MED28: variants seen among roughly 807,000 people sequenced by gnomAD.
MED28 encodes the protein mediator of RNA polymerase II transcription subunit 28.
MED28 carries 26 observed loss-of-function variants against 21.3 expected under a neutral mutation model. The observed-to-expected ratio is 1.22, with a 90% CI of 0.89 to 1.69. The LOEUF is 1.69. Among genes scored for constraint, MED28 ranks in the 40% most tolerant of loss-of-function variants. The pLI is 0.00. For missense variants in MED28, 257 were observed against 215.4 expected (o/e 1.19, Z -1.21); for synonymous variants, 110 against 87.6 (o/e 1.26, Z -1.43).
At chr4:17,619,136 A>G (rs140890402) in intron 1 of MED28, among the ~76,000 whole-genome samples, 2,477 of 152,262 alleles carry the variant, frequency 0.016, 79 homozygotes, top group African/African-American at 0.057. Flanking sequence ...CACTTCCTGC[A>G]GTGGGCCTGC....
rs1374025685 is a variant in MED28, at chr4:17,629,237, A to G, written c.*5439A>G. On this transcript the variant is annotated 3_prime_UTR_variant, in exon 4 of 4. Transcript: ENST00000237380. ...GACAGAGCAAGACTCCGTCTCAAAAACAAACACACAGTACTGCATCCTGGG... is the reference window on the plus strand; with the variant it reads ...GACAGAGCAAGACTCCGTCTCAAAAGCAAACACACAGTACTGCATCCTGGG... 1 of 147,636 alleles carries G rather than the reference A, an allele frequency of 6.8e-6. No homozygotes were observed. Among genetic ancestry groups the G allele is most frequent in the Non-Finnish European group, 1.5e-5 (1 of 68,216 alleles). The allele number at this position is 147,636 out of a possible 1,614,324, so 9.1% of individuals were successfully genotyped here. A position where few individuals can be genotyped will look rare whatever the true frequency, so the allele number is the denominator to read the frequency against.
In MED28 at chr4:17,614,804, A is replaced by G. The variant is rs758098827; in HGVS notation, c.150A>G (p.Ser50=). The G allele has an allele frequency of 1.6e-5, 25 of 1,606,804 alleles. No homozygotes were observed. In the East Asian group the frequency reaches 2.2e-4, roughly 14 times the overall value. The part of the protein sequence containing the change: ...SSSTLVDELE[S]SFEACFASLV... ...GTACTTTGGTGGACGAGTTGGAGTC[A>G]TCTTTCGAGGTAATATAAGACATGG... is the stretch of plus-strand genomic sequence containing the variant. The change falls in exon 1 of 4, where the codon TCA becomes TCG. Residue 50 remains serine, a synonymous_variant. Transcript: ENST00000237380.
intron 2 of MED28, among the ~76,000 whole-genome samples, chr4:17,620,279 T>A (rs56325717): frequency 6.6e-6 from 1 of 152,174 alleles, no homozygotes; most frequent in Admixed American, 6.6e-5. Flanking sequence ...AAGTCTCTTG[T>A]GCTTCTTTTT....
rs569970403 is a variant in MED28, at chr4:17,623,916, GT to G, written c.*122del. The G allele has an allele frequency of 2.5e-4, 296 of 1,162,996 alleles. 5 individuals are homozygous for G. The South Asian group carries it at 3.6e-3, about 14-fold the overall frequency. The allele number at this position is 1,162,996 out of a possible 1,614,324, so 72.0% of individuals were successfully genotyped here. ...TTTGCCAGATAATGAGTTCATTTTA[GT>G]TTTATGCTCCCATTGAAAAATTTTC... On this transcript the variant is annotated 3_prime_UTR_variant, in exon 4 of 4. Transcript: ENST00000237380.
In MED28 at chr4:17,631,829, A is replaced by C. The variant is rs1332520826; in HGVS notation, c.*8031A>C. ...GGTTAGATGTGCATTTTGGAATTGC[A>C]TCATTTTACATAGAAACAGCTTTCC... On this transcript the variant is annotated 3_prime_UTR_variant, in exon 4 of 4. Coordinates refer to ENST00000237380, the MANE Select transcript of MED28 (RefSeq NM_025205.5). The C allele has an allele frequency of 6.6e-6, 1 of 152,138 alleles. No individual in the cohort carries two copies. Among genetic ancestry groups the C allele is most frequent in the Non-Finnish European group, 1.5e-5 (1 of 68,036 alleles). 9.4% of individuals were successfully genotyped at this position (152,138 alleles called of 1,614,324 possible). A position where few individuals can be genotyped will look rare whatever the true frequency, so the allele number is the denominator to read the frequency against.
chr4:17,615,999 C>T (rs147632454), intron 1 of MED28, among the ~76,000 whole-genome samples: 1,816 of 152,228 alleles, frequency 0.012, 37 homozygotes, highest in African/African-American at 0.042. Context: ...CTCACTCTCT[C>T]GCCCAGGCTG....
intron 1 of MED28, among the ~76,000 whole-genome samples, chr4:17,618,510 A>G (rs900227743): frequency 1.3e-5 from 2 of 151,604 alleles, no homozygotes; most frequent in African/African-American, 2.4e-5. Context: ...CCCAAACCCA[A>G]CAAGAGTCAA....
intron 1 of MED28, among the ~76,000 whole-genome samples, chr4:17,619,365 AAGAC>A (rs1348590402): frequency 6.6e-6 from 1 of 152,244 alleles, no homozygotes; most frequent in Non-Finnish European, 1.5e-5. Context: ...AGTGGTGAAT[AAGAC>A]AGACAAAATT....
rs956904252 is a variant in MED28 at position 17,623,123 on chromosome 4, G to A, written c.340-478G>A. On this transcript the variant is annotated intron_variant, in intron 3 of 3. Coordinates refer to ENST00000237380, the MANE Select transcript of MED28 (RefSeq NM_025205.5). ...TCTATAAGAAAAATAAACGTAGGCC[G>A]GGTGTGGTGGCTCACGCCTGTAATC... is the stretch of plus-strand genomic sequence containing the variant. 2.6e-5 allele frequency among the ~76,000 whole-genome samples: 4 copies of A among 152,164 alleles called. No homozygotes were observed. The South Asian group carries it at 6.2e-4, about 24-fold the overall frequency.
In MED28 at chr4:17,614,734, C is replaced by T. The variant is rs373599650; in HGVS notation, c.80C>T (p.Ala27Val). The T allele has an allele frequency of 1.2e-6, 2 of 1,614,270 alleles. No homozygotes were observed. The highest frequency in any genetic ancestry group is 1.1e-5 in the South Asian group (1 of 91,090). Residue 27 changes from alanine to valine, a missense_variant, in exon 1 of 4, where the codon GCT (alanine) becomes GTT (valine). By Grantham distance (64) the Ala-to-Val change is moderately conservative. Coordinates refer to ENST00000237380, the MANE Select transcript of MED28 (RefSeq NM_025205.5). ...PQAPPGLPGQASLLQAAPGAP... is the reference protein window; with the variant it reads ...PQAPPGLPGQVSLLQAAPGAP... The stretch of plus-strand genomic sequence containing the variant: ...GCCCCGCCGGGCCTTCCGGGCCAAG[C>T]TTCGCTTCTTCAGGCAGCTCCAGGC...
chr4:17,622,082 A>G (rs16895322), intron 3 of MED28, among the ~76,000 whole-genome samples: 1,854 of 152,330 alleles, frequency 0.012, 38 homozygotes, highest in African/African-American at 0.043. Context: ...CAGGAATCCA[A>G]GGAATCAAAA....
Position 17,628,689 on chromosome 4 carries a change from G to A in MED28, c.*4891G>A, listed in dbSNP as rs184352794. 24 of 152,312 alleles carry A rather than the reference G, an allele frequency of 1.6e-4. No homozygotes were observed. Among genetic ancestry groups the A allele is most frequent in the African/African-American group, 5.3e-4 (22 of 41,552 alleles). The allele number at this position is 152,312 out of a possible 1,614,324, so 9.4% of individuals were successfully genotyped here. ...GGTGGAGGACCTGACTGAGACAATTGTGACTGGATGTGGTCTGAGAGCAGG... is the reference window on the plus strand; with the variant it reads ...GGTGGAGGACCTGACTGAGACAATTATGACTGGATGTGGTCTGAGAGCAGG... On this transcript the variant is annotated 3_prime_UTR_variant, in exon 4 of 4. Coordinates refer to ENST00000237380, the MANE Select transcript of MED28 (RefSeq NM_025205.5).
chr4:17,618,097 C>T (rs1714507560), intron 1 of MED28, among the ~76,000 whole-genome samples: 1 of 150,240 alleles, frequency 6.7e-6, no homozygotes, highest in Non-Finnish European at 1.5e-5. Context: ...CTGCAACCTC[C>T]ACTTCCTGGG....
chr4:17,614,913 T>A (rs1714402942), intron 1 of MED28, 100 bp downstream of exon 1: 1 of 1,369,152 alleles, frequency 7.3e-7, no homozygotes, highest in African/African-American at 1.4e-5. Flanking sequence ...AGCAACTAAT[T>A]CACAAATGGG....
intron 1 of MED28, among the ~76,000 whole-genome samples, chr4:17,618,879 T>A (rs967759498): frequency 1.3e-5 from 2 of 152,232 alleles, no homozygotes; most frequent in Non-Finnish European, 2.9e-5. Context: ...ATGGGCAATC[T>A]GTTTTTCTGA....
intron 1 of MED28, among the ~76,000 whole-genome samples, chr4:17,618,739 TCGTG>T (rs369063229): frequency 0.61 from 92,862 of 152,012 alleles, 28,895 homozygotes; most frequent in East Asian, 0.89. Context: ...GATGGTGACT[TCGTG>T]GATCTGCCTT....
intron 1 of MED28, among the ~76,000 whole-genome samples, chr4:17,619,200 A>G (rs954378775): frequency 7.2e-5 from 11 of 152,070 alleles, no homozygotes; most frequent in South Asian, 2.1e-4. Context: ...GCTGATTCAC[A>G]TTTGCATCTG....
chr4:17,634,024 G>T lies in MED28; in HGVS notation c.*10226G>T. 1.6e-6 allele frequency: 1 copy of T among 606,984 alleles called. No homozygotes were observed. Among genetic ancestry groups the T allele is most frequent in the Non-Finnish European group, 2.5e-6 (1 of 399,180 alleles). The allele number at this position is 606,984 out of a possible 1,614,324, so 37.6% of individuals were successfully genotyped here. Reference sequence around the variant, plus strand: ...AACAATTTCATTTATACACTTACATGCTATTTTTTAAAGCACTTTTCCCTC... The same window carrying T: ...AACAATTTCATTTATACACTTACATTCTATTTTTTAAAGCACTTTTCCCTC... On this transcript the variant is annotated 3_prime_UTR_variant, in exon 4 of 4. Transcript: ENST00000237380.
chr4:17,622,981 A>G lies in MED28; in HGVS notation c.340-620A>G, dbSNP rs569733019. Among the ~76,000 whole-genome samples, 4 of 152,346 alleles carry G rather than the reference A, an allele frequency of 2.6e-5. No individual in the cohort carries two copies. The East Asian group carries it at 7.7e-4, about 29-fold the overall frequency. On this transcript the variant is annotated intron_variant, in intron 3 of 3. Transcript: ENST00000237380. Reference sequence around the variant, plus strand: ...CCTCTCACCAGGTTCCTCCCTCGACACATGGGAATTGTAGGAGTTACAATT... The same window carrying G: ...CCTCTCACCAGGTTCCTCCCTCGACGCATGGGAATTGTAGGAGTTACAATT...
Sources: gnomAD v4.1 joint callset for allele counts (sites outside exome capture counted in the v4.1 genomes callset) on GRCh38, gnomAD v4.1.1 for gene constraint, MANE v1.5 for transcripts, NCBI Gene and HGNC (gene_info 2026-07-23, HGNC 2026-07-21) for gene names.